Variants in KAT2A observed in about 807,000 individuals in gnomAD.
The protein encoded by KAT2A is lysine acetyltransferase 2A.
KAT2A carries 42 observed loss-of-function variants against 95.2 expected under a neutral mutation model. The observed-to-expected ratio is 0.44, with a 90% CI of 0.34 to 0.57. The LOEUF is 0.57. Ranked by LOEUF, KAT2A falls within the 20% of genes least tolerant of loss-of-function variation. The pLI, the probability that KAT2A is intolerant of heterozygous loss-of-function variation, is 0.01. For synonymous variants in KAT2A, 449 were observed against 448.2 expected (o/e 1.00, Z -0.02); for missense variants, 784 against 1,126.3 (o/e 0.70, Z 4.35).
Position 42,117,123 on chromosome 17 carries a change from A to G in KAT2A, c.1676T>C (p.Val559Ala), listed in dbSNP as rs782641216. The change falls in exon 11 of 18, where the codon GTC becomes GCC. Residue 559 changes from valine to alanine, a missense_variant. By Grantham distance (64) the Val-to-Ala change is moderately conservative. Transcript: ENST00000225916. The surrounding 1 kb of genome is among the most constrained non-coding windows in gnomAD (Gnocchi z 8.9). ...KTLALIKDGR[V>A]IGGICFRMFP... ...CATGCGGAAGCAGATGCCACCGATG[A>G]CCCGCCCATCCTTGATCAAGGCCAG... 6.2e-7 allele frequency: 1 copy of G among 1,614,038 alleles called. No homozygotes were observed. Among genetic ancestry groups the G allele is most frequent in the Non-Finnish European group, 8.5e-7 (1 of 1,180,034 alleles).
At position 42,118,231 on chromosome 17, in the gene KAT2A, T is replaced by C. The variant is rs527899743; in HGVS notation, c.1180+66A>G. 8.6e-6 allele frequency: 11 copies of C among 1,285,396 alleles called. 1 individual carries two copies. The South Asian group carries it at 1.3e-4, about 16-fold the overall frequency. 79.6% of individuals were successfully genotyped at this position (1,285,396 alleles called of 1,614,324 possible). A position where few individuals can be genotyped will look rare whatever the true frequency, so the allele number is the denominator to read the frequency against. On this transcript the variant is annotated intron_variant, in intron 7 of 17. Coordinates refer to ENST00000225916, the MANE Select transcript of KAT2A (RefSeq NM_021078.3). Reference sequence around the variant, plus strand: ...GGCCTCCGGCCCAGGTGAGCTCTCTTCCACCCAGGAGGCTTAGCTCAGCCA... The same window carrying C: ...GGCCTCCGGCCCAGGTGAGCTCTCTCCCACCCAGGAGGCTTAGCTCAGCCA...
chr17:42,119,271 C>T lies in KAT2A; in HGVS notation c.1047G>A (p.Arg349=). Residue 349 remains arginine (R), a synonymous_variant, in exon 6 of 18, where the codon AGG becomes AGA. Coordinates refer to ENST00000225916, the MANE Select transcript of KAT2A (RefSeq NM_021078.3). The surrounding 1 kb of genome is among the most constrained non-coding windows in gnomAD (Gnocchi z 5.3). ...TGGGGAAGTGAGTGAGGATGAGGGT[C>T]CTCTTCTCGGGCACCAATTTGTCCT... ...VEKDKLVPEK[R]TLILTHFPKF... The T allele has an allele frequency of 1.9e-6, 3 of 1,612,538 alleles. No individual in the cohort carries two copies.
rs1555666351 is a variant in KAT2A, at chr17:42,117,783, G to A, written c.1323C>T (p.Thr441=). ...GEKRTLPENL[T]LEDAKRLRVM... is the part of the protein sequence containing the mutation. Reference sequence around the variant, plus strand: ...CACGGAGCCGCTTGGCATCCTCCAGGGTCAGGTTCTCTGGGAGCGTCCTCT... The same window carrying A: ...CACGGAGCCGCTTGGCATCCTCCAGAGTCAGGTTCTCTGGGAGCGTCCTCT... The change falls in exon 9 of 18, where the codon ACC becomes ACT. Residue 441 remains threonine, a synonymous_variant. Coordinates refer to ENST00000225916, the MANE Select transcript of KAT2A (RefSeq NM_021078.3). The surrounding 1 kb of genome is among the most constrained non-coding windows in gnomAD (Gnocchi z 8.9). 6.2e-6 allele frequency: 10 copies of A among 1,613,928 alleles called. No homozygotes were observed. Among genetic ancestry groups the A allele is most frequent in the Non-Finnish European group, 7.6e-6 (9 of 1,179,922 alleles).
Position 42,115,751 on chromosome 17 carries a change from T to C in KAT2A, c.1847A>G (p.Glu616Gly). 1 of 1,612,840 alleles carries C rather than the reference T, an allele frequency of 6.2e-7. No homozygotes were observed. The highest frequency in any genetic ancestry group is 8.5e-7 in the Non-Finnish European group (1 of 1,178,832). Residue 616 changes from glutamate (E) to glycine (G), a missense_variant, in exon 12 of 18, where the codon GAG (glutamate) becomes GGG (glycine). Around this residue, in one of 6 missense-constraint regions of KAT2A, gnomAD observed 174 missense variants for 324.9 expected, o/e 0.54. Transcript: ENST00000225916. ...CTTTTTGAAGTAGCCGATGGCGTACTCGTCGGCGTAGGTGAGGAAGTAGAG... is the reference window on the plus strand; with the variant it reads ...CTTTTTGAAGTAGCCGATGGCGTACCCGTCGGCGTAGGTGAGGAAGTAGAG... ...NILYFLTYADEYAIGYFKKQG... is the reference protein window; with the variant it reads ...NILYFLTYADGYAIGYFKKQG...
Position 42,115,681 on chromosome 17 carries a change from C to T in KAT2A, c.1875+42G>A. On this transcript the variant is annotated intron_variant, in intron 12 of 17. Transcript: ENST00000225916. ...GAGGGGCTGGACAGAATTACCCCAGCCTCCAGGCAAAGGACCGGTGTGGGA... is the reference window on the plus strand; with the variant it reads ...GAGGGGCTGGACAGAATTACCCCAGTCTCCAGGCAAAGGACCGGTGTGGGA... 2.4e-6 allele frequency: 3 copies of T among 1,276,400 alleles called. No homozygotes were observed. In the South Asian group the frequency reaches 3.6e-5, roughly 15 times the overall value. 79.1% of individuals were successfully genotyped at this position (1,276,400 alleles called of 1,614,324 possible). A position where few individuals can be genotyped will look rare whatever the true frequency, so the allele number is the denominator to read the frequency against.
Position 42,119,003 on chromosome 17 carries a change from T to C in KAT2A, c.1073+242A>G, listed in dbSNP as rs1312348503. The C allele has an allele frequency of 9.8e-6, 13 of 1,323,720 alleles. No homozygotes were observed. The Admixed American group carries it at 2.5e-4, about 26-fold the overall frequency. 82.0% of individuals were successfully genotyped at this position (1,323,720 alleles called of 1,614,324 possible). ...CCCCCATGGGAAACAATTAGTAACA[T>C]CTACTGGGGCGTAGGGTCGGGTGGG... On this transcript the variant is annotated intron_variant, in intron 6 of 17. Coordinates refer to ENST00000225916, the MANE Select transcript of KAT2A (RefSeq NM_021078.3). The surrounding 1 kb of genome is among the most constrained non-coding windows in gnomAD (Gnocchi z 5.3).
chr17:42,113,912 G>GACA, intron 17 of KAT2A, 70 bp from the exon 18 acceptor site: 1 of 1,475,302 alleles, frequency 6.8e-7, no homozygotes, highest in Non-Finnish European at 9.0e-7. Flanking sequence ...CACCAGGGTG[G>GACA]GCCCCCTGGG....
rs2054334110 is a variant in KAT2A, at chr17:42,121,200, A to C, written c.105T>G (p.Ala35=). 7.3e-7 allele frequency: 1 copy of C among 1,364,200 alleles called. No individual in the cohort carries two copies. Among genetic ancestry groups the C allele is most frequent in the African/African-American group, 1.5e-5 (1 of 67,754 alleles). The allele number at this position is 1,364,200 out of a possible 1,614,324, so 84.5% of individuals were successfully genotyped here. Residue 35 remains alanine, a synonymous_variant, in exon 1 of 18, where the codon GCT becomes GCG. Transcript: ENST00000225916. ...GGGTGGGAGTCGGAATCGGGGCTGA[A>C]GCCGGGCTGGGTGCAGGAGTCGGAG... is the stretch of plus-strand genomic sequence containing the variant. ...APTPTPAPSP[A]SAPIPTPTPA...
In KAT2A at chr17:42,117,793, T is replaced by C. The variant is rs781968362; in HGVS notation, c.1313A>G (p.Glu438Gly). ...PMPGEKRTLP[E>G]NLTLEDAKRL... The stretch of plus-strand genomic sequence containing the variant: ...CTTGGCATCCTCCAGGGTCAGGTTC[T>C]CTGGGAGCGTCCTCTTCTCGCCTAT... The change falls in exon 9 of 18, where the codon GAG becomes GGG. Residue 438 changes from glutamate (E) to glycine (G), a missense_variant. Physicochemically the swap from Glu to Gly is moderately conservative, Grantham distance 98. Transcript: ENST00000225916. The surrounding 1 kb of genome is among the most constrained non-coding windows in gnomAD (Gnocchi z 8.9). 1 of 1,613,992 alleles carries C rather than the reference T, an allele frequency of 6.2e-7. No homozygotes were observed. Among genetic ancestry groups the C allele is most frequent in the Non-Finnish European group, 8.5e-7 (1 of 1,179,900 alleles).
Position 42,117,976 on chromosome 17 carries a change from T to G in KAT2A, c.1222A>C (p.Ser408Arg). Reference sequence around the variant, plus strand: ...TTGCTGCCCCCACCCATGCTGGGGCTGAAGATGGGGGTGCTGGGAACAACC... The same window carrying G: ...TTGCTGCCCCCACCCATGCTGGGGCGGAAGATGGGGGTGCTGGGAACAACC... ...AAVVPSTPIF[S>R]PSMGGGSNSS... Residue 408 changes from serine to arginine, a missense_variant, in exon 8 of 18, where the codon AGC becomes CGC. By Grantham distance (110) the Ser-to-Arg change is moderately radical. This residue lies in a region of KAT2A where 63 missense variants were observed against 70.1 expected (regional missense o/e 0.90). Transcript: ENST00000225916. The surrounding 1 kb of genome is among the most constrained non-coding windows in gnomAD (Gnocchi z 8.9). 2.5e-6 allele frequency: 4 copies of G among 1,607,496 alleles called. No individual in the cohort carries two copies. Among genetic ancestry groups the G allele is most frequent in the Non-Finnish European group, 3.4e-6 (4 of 1,175,948 alleles).
chr17:42,121,139 C>A lies in KAT2A; in HGVS notation c.166G>T (p.Gly56Cys). Residue 56 changes from glycine (G) to cysteine (C), a missense_variant, in exon 1 of 18, where the codon GGC becomes TGC. By Grantham distance (159) the Gly-to-Cys change is radical. Coordinates refer to ENST00000225916, the MANE Select transcript of KAT2A (RefSeq NM_021078.3). Reference sequence around the variant, plus strand: ...CCGGGCCCCCCAGTCCCTGTGCTGCCGGCTGGGGCTGCAGCTGGGGCAGGG... The same window carrying A: ...CCGGGCCCCCCAGTCCCTGTGCTGCAGGCTGGGGCTGCAGCTGGGGCAGGG... ...PAPAPAAAPA[G>C]STGTGGPGVG... The A allele has an allele frequency of 6.7e-7, 1 of 1,485,790 alleles. No individual in the cohort carries two copies. The highest frequency in any genetic ancestry group is 1.3e-5 in the South Asian group (1 of 79,092). The allele number at this position is 1,485,790 out of a possible 1,614,324, so 92.0% of individuals were successfully genotyped here. A position where few individuals can be genotyped will look rare whatever the true frequency, so the allele number is the denominator to read the frequency against.
At position 42,117,920 on chromosome 17, in the gene KAT2A, G is replaced by A. The variant is rs559313090; in HGVS notation, c.1278C>T (p.Ala426=). 12 of 1,603,886 alleles carry A rather than the reference G, an allele frequency of 7.5e-6. No homozygotes were observed. Among genetic ancestry groups the A allele is most frequent in the East Asian group, 4.5e-5 (2 of 44,700 alleles). The change falls in exon 8 of 18, where the codon GCC becomes GCT. Residue 426 remains alanine, a synonymous_variant. Transcript: ENST00000225916. This position sits in a 1 kb window ranked among gnomAD's most constrained non-coding sequence, Gnocchi z 8.9. ...NSSLSLDSAG[A]EPMPGEKRTL... is the part of the protein sequence containing the mutation. ...TCAAGTATCCACCTGGCATAGGCTC[G>A]GCCCCTGCAGAATCCAGACTCAGGG... is the stretch of plus-strand genomic sequence containing the variant.
At position 42,114,428 on chromosome 17, in the gene KAT2A, A is replaced by G. The variant is rs781949222; in HGVS notation, c.2135-34T>C. The G allele has an allele frequency of 1.1e-5, 18 of 1,613,702 alleles. No individual in the cohort carries two copies. The highest frequency in any genetic ancestry group is 1.5e-5 in the Non-Finnish European group (18 of 1,179,872). On this transcript the variant is annotated intron_variant, in intron 14 of 17. Coordinates refer to ENST00000225916, the MANE Select transcript of KAT2A (RefSeq NM_021078.3). The surrounding 1 kb of genome is among the most constrained non-coding windows in gnomAD (Gnocchi z 6.0). ...TGGGAAGTGGGAGAATGTCTCTAAGAATGCCAGTCCACACCCCAAGCATCG... is the reference window on the plus strand; with the variant it reads ...TGGGAAGTGGGAGAATGTCTCTAAGGATGCCAGTCCACACCCCAAGCATCG...
chr17:42,114,857 G>GA lies in KAT2A; in HGVS notation c.2019+34dup, dbSNP rs1555665636. ...GCTCGCCCTCTGCATGCCCATTCAT[G>GA]AAAAATCCCACAGATGCGCATGTGT... is the stretch of plus-strand genomic sequence containing the variant. On this transcript the variant is annotated intron_variant, in intron 13 of 17. Coordinates refer to ENST00000225916, the MANE Select transcript of KAT2A (RefSeq NM_021078.3). The surrounding 1 kb of genome is among the most constrained non-coding windows in gnomAD (Gnocchi z 6.0). 3.7e-6 allele frequency: 6 copies of GA among 1,611,796 alleles called. No individual in the cohort carries two copies. Among genetic ancestry groups the GA allele is most frequent in the Admixed American group, 1.7e-5 (1 of 59,956 alleles).
At position 42,114,034 on chromosome 17, in the gene KAT2A, G is replaced by C. The variant is rs2054213160; in HGVS notation, c.2286C>G (p.Ala762=). 1 of 1,520,818 alleles carries C rather than the reference G, an allele frequency of 6.6e-7. No homozygotes were observed. The highest frequency in any genetic ancestry group is 8.8e-7 in the Non-Finnish European group (1 of 1,140,324). The allele number at this position is 1,520,818 out of a possible 1,614,324, so 94.2% of individuals were successfully genotyped here. Residue 762 remains alanine (A), a synonymous_variant, in exon 17 of 18, where the codon GCC becomes GCG. Transcript: ENST00000225916. The surrounding 1 kb of genome is among the most constrained non-coding windows in gnomAD (Gnocchi z 6.0). ...AGCGGATGACCTCGTAGTAGTCAGG[G>C]GCCTCCGACTTCTTCACAGGCTCCA... is the stretch of plus-strand genomic sequence containing the variant. ...PFMEPVKKSE[A]PDYYEVIRFP... is the part of the protein sequence containing the mutation.
In KAT2A at chr17:42,118,453, C is replaced by T. The variant is rs368656460; in HGVS notation, c.1074-50G>A. The T allele has an allele frequency of 8.9e-6, 12 of 1,348,438 alleles. No individual in the cohort carries two copies. The African/African-American group carries it at 1.4e-4, about 16-fold the overall frequency. 83.5% of individuals were successfully genotyped at this position (1,348,438 alleles called of 1,614,324 possible). A position where few individuals can be genotyped will look rare whatever the true frequency, so the allele number is the denominator to read the frequency against. On this transcript the variant is annotated intron_variant, in intron 6 of 17. Coordinates refer to ENST00000225916, the MANE Select transcript of KAT2A (RefSeq NM_021078.3). ...CACAACTCTGTTCTCCAGGGTGCAG[C>T]CTGGGCCAGGCAGCAGAGGGACTGG...
chr17:42,114,456 C>A lies in KAT2A; in HGVS notation c.2134+34G>T, dbSNP rs781844088. On this transcript the variant is annotated intron_variant, in intron 14 of 17. Transcript: ENST00000225916. The surrounding 1 kb of genome is among the most constrained non-coding windows in gnomAD (Gnocchi z 6.0). ...GCCAGTCCACACCCCAAGCATCGTG[C>A]CCCCACTACCCTGCAACTGAGACCC... is the stretch of plus-strand genomic sequence containing the variant. 24 of 1,612,018 alleles carry A rather than the reference C, an allele frequency of 1.5e-5. No homozygotes were observed. The highest frequency in any genetic ancestry group is 2.0e-5 in the Non-Finnish European group (24 of 1,178,186).
rs35184688 is a variant in KAT2A, at chr17:42,120,388, G to T, written c.464-18C>A. ...GTGGTCAGCTGCAAGACAGATGGCA[G>T]AGTTAGGAAAAATTGATAGAAGAAA... On this transcript the variant is annotated intron_variant, in intron 2 of 17. Coordinates refer to ENST00000225916, the MANE Select transcript of KAT2A (RefSeq NM_021078.3). The T allele has an allele frequency of 1.9e-6, 3 of 1,613,384 alleles. No individual in the cohort carries two copies. The highest frequency in any genetic ancestry group is 2.5e-6 in the Non-Finnish European group (3 of 1,179,480).
chr17:42,117,316 A>G lies in KAT2A; in HGVS notation c.1637+72T>C. On this transcript the variant is annotated intron_variant, in intron 10 of 17. Coordinates refer to ENST00000225916, the MANE Select transcript of KAT2A (RefSeq NM_021078.3). The surrounding 1 kb of genome is among the most constrained non-coding windows in gnomAD (Gnocchi z 8.9). ...GGGGAGCAGGGGATCCCCAATTTTG[A>G]GGAGTGAAGAGGCCGAGGAGGAAGG... 1.3e-6 allele frequency: 2 copies of G among 1,564,884 alleles called. No individual in the cohort carries two copies. The highest frequency in any genetic ancestry group is 2.7e-5 in the African/African-American group (2 of 74,064).
Sources: allele counts gnomAD v4.1 joint callset, GRCh38; gene constraint gnomAD v4.1.1; regional missense constraint gnomAD v4.1.1; non-coding constraint Gnocchi (gnomAD v3.1); transcripts MANE v1.5; gene names NCBI Gene and HGNC (gene_info 2026-07-23, HGNC 2026-07-21).